SH3RF3: variants seen among roughly 807,000 people sequenced by gnomAD.
The protein encoded by SH3RF3 is SH3 domain containing ring finger 3.
In SH3RF3, 29 loss-of-function variants were observed where a neutral mutation model predicts 66.3. The observed-to-expected ratio is 0.44, with a 90% CI of 0.33 to 0.60. SH3RF3 has a LOEUF of 0.60. Ranked by LOEUF, SH3RF3 falls within the 20% of genes least tolerant of loss-of-function variation. The pLI, the probability that SH3RF3 is intolerant of heterozygous loss-of-function variation, is 0.04. For missense variants in SH3RF3, 1,194 were observed against 1,190.9 expected (o/e 1.00, Z -0.04); for synonymous variants, 583 against 532.0 (o/e 1.10, Z -1.32).
At chr2:109,392,766 C>T (rs1341058182) in intron 3 of SH3RF3, among the ~76,000 whole-genome samples, 2 of 152,144 alleles carry the variant, frequency 1.3e-5, no homozygotes, top group African/African-American at 4.8e-5. Context: ...CCGCCCACCT[C>T]AGCCTCCCAA....
At chr2:109,292,983 C>G (rs1364727299) in intron 1 of SH3RF3, among the ~76,000 whole-genome samples, 7 of 152,214 alleles carry the variant, frequency 4.6e-5, no homozygotes, top group Admixed American at 3.9e-4. Context: ...CCACCCATCT[C>G]AGCCTCCCAA....
intron 4 of SH3RF3, among the ~76,000 whole-genome samples, chr2:109,411,872 C>T (rs180908454): frequency 6.6e-6 from 1 of 152,348 alleles, no homozygotes; most frequent in African/African-American, 2.4e-5. Context: ...CACATATTTG[C>T]TTGGAGCTTT....
intron 8 of SH3RF3, among the ~76,000 whole-genome samples, chr2:109,471,206 CAAA>C (rs61224177): frequency 8.4e-3 from 337 of 40,114 alleles, no homozygotes; most frequent in African/African-American, 0.02. Flanking sequence ...GACTCTGTCT[CAAA>C]AAAAAAAAAA....
chr2:109,503,139 G>A lies in SH3RF3; in HGVS notation c.*1468G>A, dbSNP rs1023485357. On this transcript the variant is annotated 3_prime_UTR_variant, in exon 10 of 10. Coordinates refer to ENST00000309415, the MANE Select transcript of SH3RF3 (RefSeq NM_001099289.3). ...TCAGGAGCCCTTCAGGGACAATTTT[G>A]TTCTCAAGATTCACACCTTAGGAAC... 8 of 152,134 alleles carry A rather than the reference G, an allele frequency of 5.3e-5. No homozygotes were observed. Among genetic ancestry groups the A allele is most frequent in the African/African-American group, 1.9e-4 (8 of 41,424 alleles). 9.4% of individuals were successfully genotyped at this position (152,134 alleles called of 1,614,324 possible).
Position 109,419,582 on chromosome 2 carries a change from G to T in SH3RF3, c.1343G>T (p.Arg448Leu). Reference protein sequence around the residue: ...SAGSTPTAVPRAASVSGEQGT... With the variant: ...SAGSTPTAVPLAASVSGEQGT... ...GGATCTACCCCCACGGCTGTCCCAC[G>T]GGCTGCCTCGGTGTCTGGAGAGCAG... Residue 448 changes from arginine to leucine, a missense_variant, in exon 5 of 10, where the codon CGG becomes CTG. Coordinates refer to ENST00000309415, the MANE Select transcript of SH3RF3 (RefSeq NM_001099289.3). The T allele has an allele frequency of 1.3e-6, 2 of 1,597,496 alleles. No homozygotes were observed. Among genetic ancestry groups the T allele is most frequent in the East Asian group, 2.3e-5 (1 of 44,154 alleles).
At chr2:109,300,476 A>G (rs891332366) in intron 1 of SH3RF3, among the ~76,000 whole-genome samples, 3 of 152,262 alleles carry the variant, frequency 2.0e-5, no homozygotes, top group Admixed American at 2.0e-4. Context: ...CACTGCGCCC[A>G]TCCGCACCCT....
chr2:109,360,416 T>C lies in SH3RF3; in HGVS notation c.850-11170T>C, dbSNP rs571411042. ...TTGTAGGCTCGATGTACACAAACTT[T>C]GTTTCATGCACAAAATTATTAAAAT... On this transcript the variant is annotated intron_variant, in intron 2 of 9. Coordinates refer to ENST00000309415, the MANE Select transcript of SH3RF3 (RefSeq NM_001099289.3). Among the ~76,000 whole-genome samples, 8 of 152,326 alleles carry C rather than the reference T, an allele frequency of 5.3e-5. No homozygotes were observed. The East Asian group carries it at 1.5e-3, about 29-fold the overall frequency.
intron 6 of SH3RF3, among the ~76,000 whole-genome samples, chr2:109,435,945 C>A (rs1677385483): frequency 6.6e-6 from 1 of 152,132 alleles, no homozygotes; most frequent in Non-Finnish European, 1.5e-5. Flanking sequence ...CAGGTGAGTC[C>A]TTTTCCAAGA....
At chr2:109,391,960 G>A (rs1369378915) in intron 3 of SH3RF3, among the ~76,000 whole-genome samples, 1 of 152,092 alleles carries the variant, frequency 6.6e-6, no homozygotes, top group Non-Finnish European at 1.5e-5. Flanking sequence ...CAGGACCACA[G>A]GTGCATGCCA....
chr2:109,329,263 G>A (rs1402083998), intron 1 of SH3RF3, among the ~76,000 whole-genome samples: 1 of 152,068 alleles, frequency 6.6e-6, no homozygotes, highest in African/African-American at 2.4e-5. Flanking sequence ...CTGGTTGATT[G>A]CTTCTAAATC....
intron 5 of SH3RF3, among the ~76,000 whole-genome samples, chr2:109,420,801 A>G (rs1274418726): frequency 2.6e-5 from 4 of 152,208 alleles, no homozygotes; most frequent in African/African-American, 9.6e-5. Context: ...CCAAGCTTCA[A>G]AAGGTCTAGA....
chr2:109,376,154 T>C (rs572203988), intron 3 of SH3RF3, among the ~76,000 whole-genome samples: 1 of 152,362 alleles, frequency 6.6e-6, no homozygotes, highest in Non-Finnish European at 1.5e-5. Context: ...TCCATTGCTG[T>C]GTTGATTGAA....
chr2:109,283,759 G>A (rs1368720639), intron 1 of SH3RF3, among the ~76,000 whole-genome samples: 1 of 152,226 alleles, frequency 6.6e-6, no homozygotes, highest in Admixed American at 6.5e-5. Context: ...CTACGTGCTG[G>A]ATTTGGGATT....
rs1048868971 is a variant in SH3RF3 at position 109,501,785 on chromosome 2, C to G, written c.*114C>G. 2 of 628,352 alleles carry G rather than the reference C, an allele frequency of 3.2e-6. No individual in the cohort carries two copies. Among genetic ancestry groups the G allele is most frequent in the East Asian group, 2.7e-5 (1 of 36,594 alleles). The allele number at this position is 628,352 out of a possible 1,614,324, so 38.9% of individuals were successfully genotyped here. A position where few individuals can be genotyped will look rare whatever the true frequency, so the allele number is the denominator to read the frequency against. On this transcript the variant is annotated 3_prime_UTR_variant, in exon 10 of 10. Transcript: ENST00000309415. ...GGGTTCCAGGTCATCTCCAAGGCAC[C>G]TGGCGGGGGATACCCTGGCCCAGGG... is the stretch of plus-strand genomic sequence containing the variant.
intron 1 of SH3RF3, among the ~76,000 whole-genome samples, chr2:109,249,471 T>TTCTC (rs762334667): frequency 1.7e-4 from 4 of 23,420 alleles, no homozygotes; most frequent in Admixed American, 6.1e-4. Flanking sequence ...CTCTTTCTCT[T>TTCTC]TCTTTCTTTC....
rs983522321 is a variant in SH3RF3, at chr2:109,504,373, G to T, written c.*2702G>T. The T allele has an allele frequency of 6.6e-6, 1 of 152,276 alleles. No homozygotes were observed. The highest frequency in any genetic ancestry group is 1.5e-5 in the Non-Finnish European group (1 of 68,084). 9.4% of individuals were successfully genotyped at this position (152,276 alleles called of 1,614,324 possible). On this transcript the variant is annotated 3_prime_UTR_variant, in exon 10 of 10. Coordinates refer to ENST00000309415, the MANE Select transcript of SH3RF3 (RefSeq NM_001099289.3). Reference sequence around the variant, plus strand: ...GCAGGCCACCAGGGGCCTCTGCCCAGAGGGAGGCAGAGAGGATGGCGGCCA... The same window carrying T: ...GCAGGCCACCAGGGGCCTCTGCCCATAGGGAGGCAGAGAGGATGGCGGCCA...
At chr2:109,350,684 T>C (rs1195642682) in intron 2 of SH3RF3, among the ~76,000 whole-genome samples, 1 of 152,188 alleles carries the variant, frequency 6.6e-6, no homozygotes, top group African/African-American at 2.4e-5. Flanking sequence ...CCGACCCACC[T>C]TACTTCCCCC....
chr2:109,193,546 G>A (rs901862132), intron 1 of SH3RF3, among the ~76,000 whole-genome samples: 5 of 152,092 alleles, frequency 3.3e-5, no homozygotes, highest in African/African-American at 1.2e-4. Flanking sequence ...CATTCCCCAT[G>A]ATGTTTCTGA....
At chr2:109,412,212 T>G (rs1044001403) in intron 4 of SH3RF3, among the ~76,000 whole-genome samples, 6 of 152,266 alleles carry the variant, frequency 3.9e-5, no homozygotes, top group Non-Finnish European at 7.3e-5. Flanking sequence ...GCCTTCAGCC[T>G]CTGCCCAGCA....
Sources: allele counts gnomAD v4.1 joint callset (sites outside exome capture counted in the v4.1 genomes callset), GRCh38; gene constraint gnomAD v4.1.1; transcripts MANE v1.5; gene names NCBI Gene and HGNC (gene_info 2026-07-23, HGNC 2026-07-21).